Variants in CHD1L observed in about 807,000 individuals in gnomAD.
CHD1L encodes chromodomain helicase DNA binding protein 1 like, also known as ATP-dependent chromatin remodeler CHD1L.
A neutral mutation model predicts 115.9 loss-of-function variants in CHD1L; 118 were observed. The ratio of observed to expected loss-of-function variants is 1.02; its 90% confidence interval spans 0.88 to 1.19. The LOEUF (loss-of-function observed/expected upper bound fraction) is 1.19. Ranked by LOEUF, CHD1L falls within the 50% of genes most tolerant of loss-of-function variation. The pLI is 0.00. For synonymous variants in CHD1L, 411 were observed against 387.1 expected (o/e 1.06, Z -0.72); for missense variants, 1,179 against 1,065.3 (o/e 1.11, Z -1.49).
chr1:147,195,380 G>A, the CHD1L span, among the ~76,000 whole-genome samples: 18 of 151,964 alleles, frequency 1.2e-4, no homozygotes, highest in Admixed American at 5.2e-4. Flanking sequence ...TGATCCACCC[G>A]TCTCTGCATC....
At chr1:147,230,888 T>C in the CHD1L span, among the ~76,000 whole-genome samples, 1 of 151,998 alleles carries the variant, frequency 6.6e-6, no homozygotes, top group East Asian at 2.0e-4. Flanking sequence ...ATCTATTTGA[T>C]TCTTCTCTTT....
chr1:147,225,838 A>G, the CHD1L span: 1 of 152,202 alleles, frequency 6.6e-6, no homozygotes, highest in African/African-American at 2.4e-5. Flanking sequence ...GAGCGTCGGC[A>G]GACTCGCGTC....
chr1:147,255,664 G>A, intron 3 of CHD1L, 149 bp from the exon 4 acceptor site: 1 of 503,446 alleles, frequency 2.0e-6, no homozygotes, highest in Non-Finnish European at 3.5e-6. Flanking sequence ...CATTTTTTTA[G>A]ATAAGATTCA....
At chr1:147,211,573 A>G in the CHD1L span, 4 of 152,234 alleles carry the variant, frequency 2.6e-5, no homozygotes, top group Admixed American at 2.6e-4. Context: ...AAACATCTTT[A>G]TAGAGAAGCA....
the CHD1L span, among the ~76,000 whole-genome samples, chr1:147,188,391 A>G: frequency 6.6e-6 from 1 of 151,718 alleles, no homozygotes; most frequent in African/African-American, 2.4e-5. Context: ...GGGCGTTGTT[A>G]GTATGCCTGT....
intron 17 of CHD1L, 38 bp downstream of exon 17, chr1:147,285,525 A>T: frequency 6.3e-7 from 1 of 1,591,610 alleles, no homozygotes; most frequent in Non-Finnish European, 8.5e-7. Context: ...CCACAGTTGA[A>T]GGAGTCACTA....
upstream of CHD1L, among the ~76,000 whole-genome samples, chr1:147,242,220 T>C (rs991329702): frequency 1.3e-5 from 2 of 152,106 alleles, no homozygotes; most frequent in Non-Finnish European, 2.9e-5. Flanking sequence ...TCACAGGCAG[T>C]AAGAAAGGGA....
At chr1:147,179,488 A>G in the CHD1L span, 17 of 1,575,664 alleles carry the variant, frequency 1.1e-5, no homozygotes, top group Middle Eastern at 5.0e-4. Flanking sequence ...TCTCCAGCCA[A>G]CAAGAAGCTA....
At chr1:147,281,800 T>A (rs587735206) in intron 15 of CHD1L, among the ~76,000 whole-genome samples, 42 of 151,796 alleles carry the variant, frequency 2.8e-4, no homozygotes, top group Non-Finnish European at 4.0e-4. Flanking sequence ...TAAAAAAATA[T>A]ATATATATTT....
At chr1:147,279,998 C>T (rs1274947488) in intron 14 of CHD1L, 28 bp from the exon 15 acceptor site, 3 of 1,612,314 alleles carry the variant, frequency 1.9e-6, no homozygotes, top group Non-Finnish European at 2.5e-6. Context: ...TGAGAATTTG[C>T]TGGACTTTTT....
chr1:147,187,884 GGT>G, the CHD1L span, among the ~76,000 whole-genome samples: 1 of 152,194 alleles, frequency 6.6e-6, no homozygotes, highest in African/African-American at 2.4e-5. Flanking sequence ...AGTGGGATTT[GGT>G]GAGCTAATGA....
the CHD1L span, chr1:147,174,491 G>C: frequency 6.6e-6 from 1 of 152,182 alleles, no homozygotes; most frequent in Non-Finnish European, 1.5e-5. Context: ...GAAATAAACT[G>C]TTTTTGCACA....
In CHD1L at chr1:147,280,102, A is replaced by G. The variant is rs1553960809; in HGVS notation, c.1616A>G (p.Glu539Gly). 6.2e-6 allele frequency: 10 copies of G among 1,613,938 alleles called. No individual in the cohort carries two copies. Residue 539 changes from glutamate (E) to glycine (G), a missense_variant, in exon 15 of 23, where the codon GAG becomes GGG. Transcript: ENST00000369258. ...AGCACCATGGATGAAATAGACCTGG[A>G]GTCCATCCTGGGAGAAACAAAAGAT... ...EGSTMDEIDL[E>G]SILGETKDGQ...
the CHD1L span, chr1:147,225,344 G>T: frequency 3.0e-6 from 1 of 336,088 alleles, no homozygotes; most frequent in South Asian, 4.4e-5. Context: ...AGACTCAACA[G>T]GCGGCTGTTG....
the CHD1L span, chr1:147,204,881 C>T: frequency 2.5e-6 from 4 of 1,588,688 alleles, no homozygotes; most frequent in African/African-American, 4.0e-5. Context: ...TGTTTCGCTC[C>T]CTCCTTGAGC....
intron 18 of CHD1L, 100 bp downstream of exon 18, chr1:147,286,600 T>G: frequency 9.7e-7 from 1 of 1,030,238 alleles, no homozygotes; most frequent in South Asian, 1.4e-5. Flanking sequence ...GGTCCCAGTG[T>G]AGTATTGTAC....
the CHD1L span, among the ~76,000 whole-genome samples, chr1:147,185,246 A>C: frequency 6.6e-6 from 1 of 152,082 alleles, no homozygotes; most frequent in African/African-American, 2.4e-5. Flanking sequence ...CATACTCCTA[A>C]TTTAAAAAAG....
intron 3 of CHD1L, 38 bp from the exon 4 acceptor site, chr1:147,255,775 T>C (rs587740832): frequency 1.4e-6 from 2 of 1,405,082 alleles, no homozygotes; most frequent in South Asian, 2.4e-5. Context: ...CACATGGATC[T>C]AGTATTTATG....
At chr1:147,281,829 G>A (rs991295441) in intron 15 of CHD1L, among the ~76,000 whole-genome samples, 1 of 151,434 alleles carries the variant, frequency 6.6e-6, no homozygotes, top group African/African-American at 2.4e-5. Flanking sequence ...ATTGAAATTG[G>A]CAGATAAAAT....
Sources: allele counts gnomAD v4.1 joint callset (sites outside exome capture counted in the v4.1 genomes callset), GRCh38; gene constraint gnomAD v4.1.1; transcripts MANE v1.5; gene names NCBI Gene and HGNC (gene_info 2026-07-23, HGNC 2026-07-21).